SDK1: variants seen among roughly 807,000 people sequenced by gnomAD.
SDK1 encodes sidekick cell adhesion molecule 1.
In SDK1, 157 loss-of-function variants were observed where a neutral mutation model predicts 245.5. That is an observed-to-expected ratio of 0.64 (90% CI 0.56 to 0.73). SDK1 has a LOEUF of 0.73. SDK1 is among the 30% of genes least tolerant of loss of function. SDK1 has a pLI of 0.00. For missense variants in SDK1, 3,583 were observed against 3,002.3 expected (o/e 1.19, Z -4.52); for synonymous variants, 1,647 against 1,278.5 (o/e 1.29, Z -6.15).
At chr7:3,403,907 A>T (rs372232634) in intron 1 of SDK1, among the ~76,000 whole-genome samples, 3 of 132,114 alleles carry the variant, frequency 2.3e-5, no homozygotes, top group Non-Finnish European at 3.2e-5. Context: ...ATATTTATTT[A>T]TTCCATATAC....
At chr7:3,591,747 G>C (rs1216034917) in intron 1 of SDK1, among the ~76,000 whole-genome samples, 1 of 152,152 alleles carries the variant, frequency 6.6e-6, no homozygotes, top group Non-Finnish European at 1.5e-5. Flanking sequence ...TATGTGCAGA[G>C]GTGTTCATAT....
chr7:4,248,675 T>C (rs973402698), intron 44 of SDK1, among the ~76,000 whole-genome samples: 1 of 151,742 alleles, frequency 6.6e-6, no homozygotes, highest in East Asian at 1.9e-4. Flanking sequence ...ACTACACACC[T>C]GAATACATGC....
intron 4 of SDK1, among the ~76,000 whole-genome samples, chr7:3,668,459 G>A (rs1484581361): frequency 6.6e-6 from 1 of 152,196 alleles, no homozygotes; most frequent in African/African-American, 2.4e-5. Flanking sequence ...CAAACATACA[G>A]AGAGAAGCTG....
chr7:4,141,151 C>A (rs896218175), intron 28 of SDK1, among the ~76,000 whole-genome samples: 6 of 152,158 alleles, frequency 3.9e-5, no homozygotes, highest in Non-Finnish European at 2.9e-5. Flanking sequence ...GTGAGGCCCA[C>A]GTGGGGCAGT....
At chr7:3,971,315 A>G (rs796372481) in intron 11 of SDK1, 151 bp from the exon 12 acceptor site, 10 of 634,338 alleles carry the variant, frequency 1.6e-5, no homozygotes, top group African/African-American at 1.8e-5. Context: ...CTCCCCTAGC[A>G]TTTCTGAGAG....
In SDK1 at chr7:4,266,932, A is replaced by G; in HGVS notation, c.*1548A>G. ...GTGACCTGAGGGTAGGGGACAACTG[A>G]GCAGTATCTGACCAGTGCCACCCAG... On this transcript the variant is annotated 3_prime_UTR_variant, in exon 45 of 45. Coordinates refer to ENST00000404826, the MANE Select transcript of SDK1 (RefSeq NM_152744.4). 1 of 985,382 alleles carries G rather than the reference A, an allele frequency of 1.0e-6. No individual in the cohort carries two copies. The highest frequency in any genetic ancestry group is 1.2e-6 in the Non-Finnish European group (1 of 829,894). The allele number at this position is 985,382 out of a possible 1,614,324, so 61.0% of individuals were successfully genotyped here.
At chr7:3,618,958 C>A (rs1781852416) in intron 1 of SDK1, 122 bp from the exon 2 acceptor site, 4 of 775,376 alleles carry the variant, frequency 5.2e-6, no homozygotes, top group South Asian at 4.6e-5. Context: ...CTTAATTGGG[C>A]CAAACAGCCA....
At chr7:3,449,752 A>G (rs1430108147) in intron 1 of SDK1, among the ~76,000 whole-genome samples, 2 of 152,226 alleles carry the variant, frequency 1.3e-5, no homozygotes, top group Non-Finnish European at 2.9e-5. Flanking sequence ...TTGTTCGTTC[A>G]TTTCTTCATT....
intron 11 of SDK1, 89 bp downstream of exon 11, chr7:3,969,513 T>C (rs1352846043): frequency 1.1e-6 from 1 of 949,636 alleles, no homozygotes; most frequent in African/African-American, 1.7e-5. Context: ...AGCATGCCCT[T>C]GGGCTTGCTA....
At chr7:3,423,748 G>C (rs1779594791) in intron 1 of SDK1, among the ~76,000 whole-genome samples, 1 of 152,080 alleles carries the variant, frequency 6.6e-6, no homozygotes, top group Non-Finnish European at 1.5e-5. Context: ...CAGAAGATCA[G>C]ACAAATACCA....
Position 3,942,107 on chromosome 7 carries a change from C to T in SDK1, c.848-8816C>T, listed in dbSNP as rs991635997. On this transcript the variant is annotated intron_variant, in intron 5 of 44. Coordinates refer to ENST00000404826, the MANE Select transcript of SDK1 (RefSeq NM_152744.4). ...ATTTTTAGTGGAGACGGGGTTTCAC[C>T]GTGTTAGCTAGGATGGTCTCGATCT... Among the ~76,000 whole-genome samples, 3 of 152,002 alleles carry T rather than the reference C, an allele frequency of 2.0e-5. No individual in the cohort carries two copies. The South Asian group carries it at 6.2e-4, about 32-fold the overall frequency.
intron 1 of SDK1, among the ~76,000 whole-genome samples, chr7:3,434,005 C>A (rs931481269): frequency 6.6e-6 from 1 of 152,140 alleles, no homozygotes. Flanking sequence ...AATTTTCATC[C>A]CACAGATCTG....
intron 35 of SDK1, among the ~76,000 whole-genome samples, chr7:4,181,528 T>C (rs1474443271): frequency 6.6e-6 from 1 of 152,082 alleles, no homozygotes; most frequent in Admixed American, 6.5e-5. Flanking sequence ...GGCTTCTCCC[T>C]TCCCCACTGG....
Position 4,266,720 on chromosome 7 carries a change from A to G in SDK1, c.*1336A>G, listed in dbSNP as rs1223664995. The stretch of plus-strand genomic sequence containing the variant: ...CTTTGCAACAGACGACTGGGCTGCC[A>G]TGGTCCACCCCTCAGCCCGGGTCCC... On this transcript the variant is annotated 3_prime_UTR_variant, in exon 45 of 45. Coordinates refer to ENST00000404826, the MANE Select transcript of SDK1 (RefSeq NM_152744.4). 1 of 985,332 alleles carries G rather than the reference A, an allele frequency of 1.0e-6. No homozygotes were observed. Among genetic ancestry groups the G allele is most frequent in the Non-Finnish European group, 1.2e-6 (1 of 829,948 alleles). 61.0% of individuals were successfully genotyped at this position (985,332 alleles called of 1,614,324 possible).
At chr7:3,779,809 G>C (rs1051944686) in intron 4 of SDK1, among the ~76,000 whole-genome samples, 5 of 152,068 alleles carry the variant, frequency 3.3e-5, no homozygotes, top group Admixed American at 2.6e-4. Context: ...GCGGGCGCCT[G>C]TAGTCCCAGC....
intron 44 of SDK1, among the ~76,000 whole-genome samples, chr7:4,252,514 A>C (rs1189578199): frequency 1.3e-5 from 2 of 152,138 alleles, no homozygotes; most frequent in Non-Finnish European, 2.9e-5. Context: ...GCCGCAATAA[A>C]CATACGTGTG....
intron 5 of SDK1, among the ~76,000 whole-genome samples, chr7:3,913,588 C>G (rs892347814): frequency 6.6e-6 from 1 of 152,092 alleles, no homozygotes; most frequent in Admixed American, 6.5e-5. Context: ...CCACCGTGCC[C>G]GGCCCTGTTA....
chr7:3,568,730 C>T (rs931731852), intron 1 of SDK1, among the ~76,000 whole-genome samples: 2 of 152,140 alleles, frequency 1.3e-5, no homozygotes, highest in Non-Finnish European at 2.9e-5. Flanking sequence ...CTTTGGTAGG[C>T]TCCCTGATTC....
intron 4 of SDK1, among the ~76,000 whole-genome samples, chr7:3,754,081 G>C (rs956209929): frequency 6.6e-6 from 1 of 152,194 alleles, no homozygotes; most frequent in Non-Finnish European, 1.5e-5. Context: ...TGTAAAAGAT[G>C]TTTTAGATTA....
Sources: allele counts gnomAD v4.1 joint callset (sites outside exome capture counted in the v4.1 genomes callset), GRCh38; gene constraint gnomAD v4.1.1; transcripts MANE v1.5; gene names NCBI Gene and HGNC (gene_info 2026-07-23, HGNC 2026-07-21).